Variants in CLUAP1 observed in about 807,000 individuals in gnomAD.
CLUAP1 encodes the protein intraflagellar transport 38, also known as clusterin-associated protein 1.
CLUAP1 carries 50 observed loss-of-function variants against 55.0 expected under a neutral mutation model. The observed-to-expected ratio is 0.91, with a 90% CI of 0.72 to 1.15. CLUAP1 has a LOEUF of 1.15. Among genes scored for constraint, CLUAP1 ranks in the 50% most tolerant of loss-of-function variants. The pLI, the probability that CLUAP1 is intolerant of heterozygous loss-of-function variation, is 0.00. For missense variants in CLUAP1, 530 were observed against 507.6 expected (o/e 1.04, Z -0.42); for synonymous variants, 195 against 175.4 (o/e 1.11, Z -0.88).
At chr16:3,531,291 C>T (rs902696252) in intron 10 of CLUAP1, among the ~76,000 whole-genome samples, 9 of 152,082 alleles carry the variant, frequency 5.9e-5, no homozygotes, top group African/African-American at 1.2e-4. Flanking sequence ...GAGGCCAAGG[C>T]GGGTGGATCA....
At chr16:3,496,706 C>G (rs2037315545), upstream of CLUAP1, 1 of 531,474 alleles carries the variant, frequency 1.9e-6, no homozygotes, top group African/African-American at 1.9e-5. Flanking sequence ...ACGCTATTTC[C>G]GCTCCAGGGA....
chr16:3,519,100 G>T (rs976524078), intron 6 of CLUAP1, among the ~76,000 whole-genome samples: 1 of 152,218 alleles, frequency 6.6e-6, no homozygotes, highest in Non-Finnish European at 1.5e-5. Context: ...GCCAGCCACC[G>T]GACAAGACGC....
rs917736837 is a variant in CLUAP1, at chr16:3,538,891, G to T, written c.*2620G>T. The T allele has an allele frequency of 6.6e-6, 1 of 152,170 alleles. No individual in the cohort carries two copies. The highest frequency in any genetic ancestry group is 6.5e-5 in the Admixed American group (1 of 15,270). The allele number at this position is 152,170 out of a possible 1,614,324, so 9.4% of individuals were successfully genotyped here. A position where few individuals can be genotyped will look rare whatever the true frequency, so the allele number is the denominator to read the frequency against. On this transcript the variant is annotated 3_prime_UTR_variant, in exon 12 of 12. Coordinates refer to ENST00000576634, the MANE Select transcript of CLUAP1 (RefSeq NM_015041.3). ...TTGGTTTTGGCCAAGCAGCAGAGCA[G>T]ACCTCAGGACCTAACGAGGATGGTT... is the stretch of plus-strand genomic sequence containing the variant.
intron 5 of CLUAP1, among the ~76,000 whole-genome samples, chr16:3,512,794 C>T (rs1168908263): frequency 6.6e-6 from 1 of 152,196 alleles, no homozygotes; most frequent in Non-Finnish European, 1.5e-5. Context: ...CATTCTCCTG[C>T]CTCAGCCTCC....
chr16:3,527,035 CAG>C, intron 9 of CLUAP1, among the ~76,000 whole-genome samples: 1 of 152,248 alleles, frequency 6.6e-6, no homozygotes, highest in East Asian at 1.9e-4. Context: ...TGGAGAGACA[CAG>C]GGTTACGTCC....
chr16:3,533,296 G>A lies in CLUAP1; in HGVS notation c.1092+455G>A, dbSNP rs115536682. ...AAAAGAGATCCTGTGGTGACAGCGGGATCACTGAAGGCCCCTGTGCTAAAG... is the reference window on the plus strand; with the variant it reads ...AAAAGAGATCCTGTGGTGACAGCGGAATCACTGAAGGCCCCTGTGCTAAAG... On this transcript the variant is annotated intron_variant, in intron 11 of 11. Transcript: ENST00000576634. 1,916 of 681,624 alleles carry A rather than the reference G, an allele frequency of 2.8e-3. 27 individuals are homozygous for A. The African/African-American group carries it at 0.031, about 11-fold the overall frequency. The allele number at this position is 681,624 out of a possible 1,614,324, so 42.2% of individuals were successfully genotyped here.
chr16:3,528,728 A>G (rs150826408), intron 9 of CLUAP1, among the ~76,000 whole-genome samples: 3 of 152,124 alleles, frequency 2.0e-5, no homozygotes, highest in Middle Eastern at 3.2e-3. Context: ...TAGCTCTTAC[A>G]TTTAGGTCTC....
chr16:3,496,560 A>T (rs1039298096), upstream of CLUAP1: 37 of 546,082 alleles, frequency 6.8e-5, no homozygotes, highest in East Asian at 2.9e-4. Context: ...GTGGGGGCCA[A>T]GATCCTGACT....
intron 4 of CLUAP1, among the ~76,000 whole-genome samples, chr16:3,510,888 A>G (rs2037612016): frequency 6.6e-6 from 1 of 152,156 alleles, no homozygotes. Context: ...GTGCACAGGT[A>G]GCTGGTATGT....
At chr16:3,529,499 ATT>A (rs2038023298) in intron 9 of CLUAP1, among the ~76,000 whole-genome samples, 1 of 69,122 alleles carries the variant, frequency 1.4e-5, no homozygotes, top group African/African-American at 6.5e-5. Context: ...ATTATATTAT[ATT>A]ATATATATTA....
upstream of CLUAP1, chr16:3,496,267 A>G (rs2037308295): frequency 2.7e-6 from 2 of 734,942 alleles, no homozygotes; most frequent in East Asian, 7.2e-5. Flanking sequence ...GAGCCAGGAT[A>G]TCTAACTGAG....
At chr16:3,526,124 G>C (rs1323114882) in intron 8 of CLUAP1, among the ~76,000 whole-genome samples, 3 of 152,156 alleles carry the variant, frequency 2.0e-5, no homozygotes, top group Non-Finnish European at 4.4e-5. Flanking sequence ...TGGGCATTTA[G>C]TTCTCCTCAG....
At chr16:3,495,443 G>A in the CLUAP1 span, 1 of 1,606,978 alleles carries the variant, frequency 6.2e-7, no homozygotes, top group Non-Finnish European at 8.5e-7. Context: ...GTGGTGGGGA[G>A]GAGCAACCAG....
chr16:3,499,842 G>A (rs528313977), upstream of CLUAP1, among the ~76,000 whole-genome samples: 1 of 152,228 alleles, frequency 6.6e-6, no homozygotes, highest in East Asian at 1.9e-4. Context: ...GGAATCGCTA[G>A]TGCAAGGTGC....
chr16:3,496,324 C>G (rs2037309214), upstream of CLUAP1: 2 of 1,129,318 alleles, frequency 1.8e-6, no homozygotes, highest in Non-Finnish European at 2.6e-6. Context: ...GACGAACTAA[C>G]TCCACATTCA....
intron 9 of CLUAP1, among the ~76,000 whole-genome samples, chr16:3,529,094 A>G (rs1247284985): frequency 2.6e-5 from 4 of 152,094 alleles, no homozygotes; most frequent in South Asian, 2.1e-4. Context: ...GTGGATACCA[A>G]AATCCACAGA....
Position 3,529,704 on chromosome 16 carries a change from TATATTATATA to T in CLUAP1, c.929-853_929-844del, listed in dbSNP as rs1567440124. ...ATATATTATTATATATTATATATTA[TATATTATATA>T]ATATTATATATTATATATATTATTA... On this transcript the variant is annotated intron_variant, in intron 9 of 11. Transcript: ENST00000576634. 2.3e-3 allele frequency among the ~76,000 whole-genome samples: 67 copies of T among 29,010 alleles called. 5 individuals carry two copies. The highest frequency in any genetic ancestry group is 0.012 in the African/African-American group (62 of 5,036). The allele number at this position is 29,010 out of a possible 152,430, so 19.0% of individuals were successfully genotyped here.
chr16:3,518,578 C>A (rs1159484778), intron 6 of CLUAP1, among the ~76,000 whole-genome samples: 1 of 152,192 alleles, frequency 6.6e-6, no homozygotes, highest in Non-Finnish European at 1.5e-5. Flanking sequence ...AGGTTTTAAT[C>A]TGACTTTGGT....
chr16:3,501,531 C>A (rs1208676543), intron 1 of CLUAP1, among the ~76,000 whole-genome samples: 1 of 152,174 alleles, frequency 6.6e-6, no homozygotes, highest in Non-Finnish European at 1.5e-5. Context: ...GCCCGTAAGC[C>A]CAACACTTTG....
Sources: gnomAD v4.1 joint callset for allele counts (sites outside exome capture counted in the v4.1 genomes callset) on GRCh38, gnomAD v4.1.1 for gene constraint, MANE v1.5 for transcripts, NCBI Gene and HGNC (gene_info 2026-07-23, HGNC 2026-07-21) for gene names.